The following CADPS2 variants were observed in gnomAD, a reference collection of about 807,000 sequenced individuals.
CADPS2 encodes the protein calcium dependent secretion activator 2.
Under a neutral mutation model 172.5 loss-of-function variants are expected in CADPS2, and 93 were observed. The observed-to-expected ratio is 0.54, with a 90% CI of 0.46 to 0.64. The LOEUF (loss-of-function observed/expected upper bound fraction) is 0.64, where lower values mean the gene tolerates loss of function less well. CADPS2 is among the 30% of genes least tolerant of loss of function. CADPS2 has a pLI of 0.00. For missense variants in CADPS2, 1,420 were observed against 1,565.9 expected (o/e 0.91, Z 1.57); for synonymous variants, 546 against 555.2 (o/e 0.98, Z 0.23).
At chr7:122,334,005 G>A (rs1295608107) in intron 28 of CADPS2, among the ~76,000 whole-genome samples, 2 of 151,852 alleles carry the variant, frequency 1.3e-5, no homozygotes, top group African/African-American at 4.8e-5. Context: ...TTCCTTAACA[G>A]AAAAATAATT....
intron 6 of CADPS2, among the ~76,000 whole-genome samples, chr7:122,593,998 C>T (rs992123303): frequency 2.6e-5 from 4 of 152,004 alleles, no homozygotes; most frequent in Admixed American, 2.6e-4. Context: ...ACTGAAATGA[C>T]ACAAATTTTA....
chr7:122,543,593 C>G (rs2063319790), intron 8 of CADPS2, among the ~76,000 whole-genome samples: 1 of 152,004 alleles, frequency 6.6e-6, no homozygotes, highest in African/African-American at 2.4e-5. Flanking sequence ...TTGATCTGAG[C>G]TGGTGAGACA....
At chr7:122,377,543 C>T (rs1300289267) in intron 25 of CADPS2, among the ~76,000 whole-genome samples, 6 of 152,066 alleles carry the variant, frequency 3.9e-5, no homozygotes, top group East Asian at 1.9e-4. Flanking sequence ...ACTATGTTCA[C>T]GGGTTGGTTA....
At chr7:122,598,664 G>C (rs2072272661) in intron 6 of CADPS2, among the ~76,000 whole-genome samples, 1 of 152,042 alleles carries the variant, frequency 6.6e-6, no homozygotes, top group Non-Finnish European at 1.5e-5. Flanking sequence ...AATATCTATA[G>C]TTTTATAGGC....
chr7:122,478,231 A>G (rs1370659869), intron 12 of CADPS2, among the ~76,000 whole-genome samples: 1 of 152,228 alleles, frequency 6.6e-6, no homozygotes, highest in Admixed American at 6.5e-5. Context: ...TTTTAAACAG[A>G]AAATTATTCA....
intron 2 of CADPS2, among the ~76,000 whole-genome samples, chr7:122,708,488 T>A (rs55659446): frequency 0.07 from 8,161 of 116,806 alleles, 336 homozygotes; most frequent in South Asian, 0.16. Flanking sequence ...ATATATATAT[T>A]GGATATGTAG....
At chr7:122,413,602 A>G (rs1168323076) in intron 19 of CADPS2, among the ~76,000 whole-genome samples, 2 of 152,188 alleles carry the variant, frequency 1.3e-5, no homozygotes, top group Non-Finnish European at 2.9e-5. Flanking sequence ...ACCTCCACCA[A>G]GGGAGCTGAG....
At chr7:122,391,372 T>C (rs1238080835) in intron 22 of CADPS2, among the ~76,000 whole-genome samples, 1 of 152,050 alleles carries the variant, frequency 6.6e-6, no homozygotes, top group Non-Finnish European at 1.5e-5. Context: ...TCAGAGTTTG[T>C]ACAAATCCCA....
At chr7:122,334,269 C>A (rs1005272748) in intron 28 of CADPS2, among the ~76,000 whole-genome samples, 3 of 152,240 alleles carry the variant, frequency 2.0e-5, no homozygotes, top group Admixed American at 6.5e-5. Context: ...ATGTACTCAG[C>A]CCTCCAGAGG....
At chr7:122,701,497 G>A (rs1030509297) in intron 2 of CADPS2, among the ~76,000 whole-genome samples, 3 of 152,184 alleles carry the variant, frequency 2.0e-5, no homozygotes, top group African/African-American at 4.8e-5. Flanking sequence ...GTTAAATGAC[G>A]AGTTACTGGG....
intron 20 of CADPS2, among the ~76,000 whole-genome samples, chr7:122,404,866 C>T (rs2046443033): frequency 6.6e-6 from 1 of 152,098 alleles, no homozygotes; most frequent in Non-Finnish European, 1.5e-5. Flanking sequence ...TGGCTCATGC[C>T]TGTAATCCCA....
At chr7:122,324,217 G>T (rs1050336466) in intron 29 of CADPS2, among the ~76,000 whole-genome samples, 1 of 151,896 alleles carries the variant, frequency 6.6e-6, no homozygotes, top group Non-Finnish European at 1.5e-5. Flanking sequence ...GGCATTTTAG[G>T]TCTGGTTCTA....
At chr7:122,339,955 T>C (rs138250887) in intron 28 of CADPS2, among the ~76,000 whole-genome samples, 191 of 152,346 alleles carry the variant, frequency 1.3e-3, no homozygotes, top group Non-Finnish European at 2.1e-3. Context: ...CAAGAGCATG[T>C]AAGTGCAAAA....
intron 2 of CADPS2, among the ~76,000 whole-genome samples, chr7:122,713,806 AACTT>A (rs1478988489): frequency 2.6e-5 from 4 of 152,110 alleles, no homozygotes; most frequent in Admixed American, 2.0e-4. Context: ...ACAGTGATAG[AACTT>A]ACTTATTATA....
intron 6 of CADPS2, among the ~76,000 whole-genome samples, chr7:122,596,212 C>T (rs568411434): frequency 2.0e-5 from 3 of 152,232 alleles, no homozygotes; most frequent in African/African-American, 7.2e-5. Flanking sequence ...GCTATACACA[C>T]AGGCTTTTAA....
chr7:122,549,137 C>G (rs746450431), intron 8 of CADPS2, among the ~76,000 whole-genome samples: 2 of 152,094 alleles, frequency 1.3e-5, no homozygotes, highest in African/African-American at 2.4e-5. Context: ...TGGCTCACGT[C>G]TGTATTTCCA....
intron 14 of CADPS2, among the ~76,000 whole-genome samples, chr7:122,458,211 A>T (rs1269698036): frequency 1.3e-5 from 2 of 152,218 alleles, no homozygotes; most frequent in African/African-American, 4.8e-5. Context: ...GCAGCACAGC[A>T]GGTAAAAGTC....
chr7:122,406,132 C>T (rs145965939), intron 20 of CADPS2, among the ~76,000 whole-genome samples: 4 of 152,228 alleles, frequency 2.6e-5, no homozygotes, highest in East Asian at 1.9e-4. Context: ...ATGGAAAGTA[C>T]AATATTACAA....
chr7:122,878,261 G>GAAAAAAA (rs34489409), intron 1 of CADPS2, among the ~76,000 whole-genome samples: 2 of 113,278 alleles, frequency 1.8e-5, no homozygotes, highest in Non-Finnish European at 1.7e-5. Flanking sequence ...TCCGTCTCAA[G>GAAAAAAA]AAAAAAAAAA....
Sources: allele counts gnomAD v4.1 joint callset (sites outside exome capture counted in the v4.1 genomes callset), GRCh38; gene constraint gnomAD v4.1.1; transcripts MANE v1.5; gene names NCBI Gene and HGNC (gene_info 2026-07-23, HGNC 2026-07-21).